The following SPC25 variants were observed in gnomAD, a reference collection of about 807,000 sequenced individuals.
The protein encoded by SPC25 is SPC25 component of NDC80 kinetochore complex.
Under a neutral mutation model 29.6 loss-of-function variants are expected in SPC25, and 22 were observed. The ratio of observed to expected loss-of-function variants is 0.74; its 90% confidence interval spans 0.53 to 1.06. SPC25 has a LOEUF of 1.06. SPC25 is among the 50% of genes least tolerant of loss of function. The pLI, the probability that SPC25 is intolerant of heterozygous loss-of-function variation, is 0.00. For missense variants in SPC25, 230 were observed against 255.8 expected, an observed-to-expected ratio of 0.90 and a Z score of 0.69; for synonymous variants, 91 against 90.4, an observed-to-expected ratio of 1.01 and a Z score of -0.04.
chr2:168,889,787 A>G (rs1477005873), intron 1 of SPC25, among the ~76,000 whole-genome samples: 2 of 152,126 alleles, frequency 1.3e-5, no homozygotes, highest in Non-Finnish European at 2.9e-5. Flanking sequence ...ACTCACACGC[A>G]CTATGACCCT....
downstream of SPC25, among the ~76,000 whole-genome samples, chr2:168,867,021 TTGG>T (rs574925617): frequency 6.1e-3 from 926 of 152,248 alleles, 5 homozygotes; most frequent in Non-Finnish European, 9.4e-3. Flanking sequence ...TTTTACACTG[TTGG>T]TGGGACTGTA....
chr2:168,866,021 C>G (rs1689840972), downstream of SPC25, among the ~76,000 whole-genome samples: 1 of 152,282 alleles, frequency 6.6e-6, no homozygotes, highest in African/African-American at 2.4e-5. Context: ...TAGGAAGAAT[C>G]AACATTGTGA....
chr2:168,877,284 A>C lies in SPC25; in HGVS notation c.300T>G (p.Thr100=). The change falls in exon 4 of 7, where the codon ACT becomes ACG. Residue 100 remains threonine, a synonymous_variant. Coordinates refer to ENST00000282074, the MANE Select transcript of SPC25 (RefSeq NM_020675.4). ...KGKKQELEVL[T]ANIQDLKEEY... is the part of the protein sequence containing the mutation. ...CTTCCTTAAGATCCTGGATATTTGC[A>C]GTCAGTACTTCCAATTCCTGCTTTT... 4.3e-6 allele frequency: 7 copies of C among 1,613,804 alleles called. No individual in the cohort carries two copies. The highest frequency in any genetic ancestry group is 5.9e-6 in the Non-Finnish European group (7 of 1,179,846).
At position 168,865,133 on chromosome 2, in the gene SPC25, A is replaced by G. The variant is rs909343713; in HGVS notation, n.419+8452T>C. ...GCATTCATGATTATTAGCTTGAAACAGTCAGAAAAAAGATGGATGGGTGGA... is the reference window on the plus strand; with the variant it reads ...GCATTCATGATTATTAGCTTGAAACGGTCAGAAAAAAGATGGATGGGTGGA... On this transcript the variant is annotated intron_variant and non_coding_transcript_variant, in intron 4 of 4. Coordinates refer to the SPC25 transcript ENST00000479309. 27 of 754,512 alleles carry G rather than the reference A, an allele frequency of 3.6e-5. No individual in the cohort carries two copies. In the South Asian group the frequency reaches 4.9e-4, roughly 14 times the overall value. The allele number at this position is 754,512 out of a possible 1,614,324, so 46.7% of individuals were successfully genotyped here. A position where few individuals can be genotyped will look rare whatever the true frequency, so the allele number is the denominator to read the frequency against.
chr2:168,872,711 A>G (rs550236473), intron 6 of SPC25, among the ~76,000 whole-genome samples: 3 of 152,314 alleles, frequency 2.0e-5, no homozygotes, highest in South Asian at 2.1e-4. Context: ...GCTAAATAAG[A>G]GGTTTTTGGG....
intron 3 of SPC25, among the ~76,000 whole-genome samples, chr2:168,883,012 CA>C (rs1486312467): frequency 6.6e-6 from 1 of 151,940 alleles, no homozygotes; most frequent in Non-Finnish European, 1.5e-5. Flanking sequence ...TTTGACCCAG[CA>C]ATTTCATTTT....
chr2:168,873,708 T>C (rs752279411), intron 5 of SPC25, 25 bp from the exon 6 acceptor site: 22 of 1,500,918 alleles, frequency 1.5e-5, no homozygotes, highest in Admixed American at 5.0e-5. Context: ...AACTATTTAG[T>C]GTGTCAAAGC....
chr2:168,865,066 T>C, intron 4 of SPC25: 1 of 1,349,966 alleles, frequency 7.4e-7, no homozygotes. Flanking sequence ...CATGTTTTTC[T>C]TTTGAAATGG....
downstream of SPC25, among the ~76,000 whole-genome samples, chr2:168,866,608 A>G (rs1419068635): frequency 1.3e-5 from 2 of 152,028 alleles, no homozygotes; most frequent in Non-Finnish European, 2.9e-5. Flanking sequence ...AATGGCAACA[A>G]AAGCCAAAAT....
intron 5 of SPC25, among the ~76,000 whole-genome samples, chr2:168,874,796 A>C (rs1036571127): frequency 3.9e-5 from 6 of 152,136 alleles, no homozygotes; most frequent in African/African-American, 7.2e-5. Flanking sequence ...AGGAATTAGC[A>C]CATCCTGTTT....
chr2:168,876,717 A>C (rs936169126), intron 4 of SPC25, among the ~76,000 whole-genome samples: 1 of 152,010 alleles, frequency 6.6e-6, no homozygotes, highest in South Asian at 2.1e-4. Flanking sequence ...GAACTCCACA[A>C]GAAAAAGCAT....
Position 168,871,462 on chromosome 2 carries a change from C to T in SPC25, c.644G>A (p.Arg215Gln), listed in dbSNP as rs779527436. 10 of 1,608,690 alleles carry T rather than the reference C, an allele frequency of 6.2e-6. No individual in the cohort carries two copies. Among genetic ancestry groups the T allele is most frequent in the East Asian group, 4.5e-5 (2 of 44,636 alleles). Residue 215 changes from arginine to glutamine, a missense_variant, in exon 7 of 7, where the codon CGG (arginine) becomes CAG (glutamine). By Grantham distance (43) the Arg-to-Gln change is conservative (BLOSUM62 1). Coordinates refer to ENST00000282074, the MANE Select transcript of SPC25 (RefSeq NM_020675.4). ...ATAAACCGTGGCAGTAAAAGCTTTC[C>T]GAACATTGGCAAGAAAAGCTGAAAA... The part of the protein sequence containing the change: ...NNFSAFLANV[R>Q]KAFTATVYN
At chr2:168,888,753 C>CTA (rs1031252114) in intron 3 of SPC25, among the ~76,000 whole-genome samples, 2 of 149,162 alleles carry the variant, frequency 1.3e-5, no homozygotes, top group African/African-American at 4.9e-5. Context: ...GTGTATGTGT[C>CTA]TATATATATG....
At chr2:168,870,827 T>C (rs1265609873), downstream of SPC25, 1 of 151,444 alleles carries the variant, frequency 6.6e-6, no homozygotes, top group African/African-American at 2.5e-5. Flanking sequence ...GAACTAGAAA[T>C]ACCATTTGAC....
intron 6 of SPC25, among the ~76,000 whole-genome samples, chr2:168,871,836 C>G (rs1391221429): frequency 2.6e-5 from 4 of 151,858 alleles, no homozygotes; most frequent in Non-Finnish European, 4.4e-5. Flanking sequence ...ACAGAATGAC[C>G]CTGCCCATCA....
Position 168,889,011 on chromosome 2 carries a change from G to A in SPC25, c.199+215C>T, listed in dbSNP as rs58693848. 3.9e-3 allele frequency among the ~76,000 whole-genome samples: 384 copies of A among 98,708 alleles called. 8 individuals carry two copies. The highest frequency in any genetic ancestry group is 0.016 in the African/African-American group (345 of 21,494). The allele number at this position is 98,708 out of a possible 152,430, so 64.8% of individuals were successfully genotyped here. A position where few individuals can be genotyped will look rare whatever the true frequency, so the allele number is the denominator to read the frequency against. ...TATATGTATATATATACACATATAT[G>A]TATATATATACACATATATATACAT... On this transcript the variant is annotated intron_variant, in intron 3 of 6. Transcript: ENST00000282074.
At chr2:168,880,464 C>T (rs1157983552) in intron 3 of SPC25, among the ~76,000 whole-genome samples, 1 of 151,848 alleles carries the variant, frequency 6.6e-6, no homozygotes, top group African/African-American at 2.4e-5. Flanking sequence ...TAGAGTCTTA[C>T]CCTGAATTAG....
Position 168,864,834 on chromosome 2 carries a change from G to A in SPC25, n.419+8751C>T, listed in dbSNP as rs371895459. 7 of 1,613,590 alleles carry A rather than the reference G, an allele frequency of 4.3e-6. No individual in the cohort carries two copies. In the African/African-American group the frequency reaches 8.0e-5, roughly 18 times the overall value. ...CATTTGTCTAACTGTATTTTCACAG[G>A]TGACATTGTGATTATACACGAGAAA... On this transcript the variant is annotated intron_variant and non_coding_transcript_variant, in intron 4 of 4. Transcript: ENST00000479309.
In SPC25 at chr2:168,877,346, C is replaced by A. The variant is rs1446412969; in HGVS notation, c.238G>T (p.Asp80Tyr). Reference sequence around the variant, plus strand: ...TCAGCAATCAATTTTAACAAGTTATCCTTTTTTTCTTGAATGAGCTTATTT... The same window carrying A: ...TCAGCAATCAATTTTAACAAGTTATACTTTTTTTCTTGAATGAGCTTATTT... Reference protein sequence around the residue: ...RQNKLIQEKKDNLLKLIAEVK... With the variant: ...RQNKLIQEKKYNLLKLIAEVK... Residue 80 changes from aspartate to tyrosine, a missense_variant, in exon 4 of 7, where the codon GAT becomes TAT. Transcript: ENST00000282074. 2.5e-6 allele frequency: 4 copies of A among 1,613,620 alleles called. No homozygotes were observed. In the Admixed American group the frequency reaches 5.0e-5, roughly 20 times the overall value.
Sources: allele counts gnomAD v4.1 joint callset (sites outside exome capture counted in the v4.1 genomes callset), GRCh38; gene constraint gnomAD v4.1.1; transcripts MANE v1.5; gene names NCBI Gene and HGNC (gene_info 2026-07-23, HGNC 2026-07-21).